The following INO80 variants were observed in gnomAD, a reference collection of about 807,000 sequenced individuals.
The protein encoded by INO80 is chromatin-remodeling ATPase INO80.
A neutral mutation model predicts 203.4 loss-of-function variants in INO80; 20 were observed. That is an observed-to-expected ratio of 0.10 (90% CI 0.07 to 0.14). The LOEUF is 0.14. Ranked by LOEUF, INO80 falls within the 10% of genes least tolerant of loss-of-function variation. The pLI, the probability that INO80 is intolerant of heterozygous loss-of-function variation, is 1.00. For missense variants in INO80, 1,419 were observed against 1,914.4 expected, an observed-to-expected ratio of 0.74 and a Z score of 4.83; for synonymous variants, 726 against 685.2, an observed-to-expected ratio of 1.06 and a Z score of -0.93.
chr15:41,061,681 G>A (rs2045112337), intron 14 of INO80, among the ~76,000 whole-genome samples: 1 of 151,824 alleles, frequency 6.6e-6, no homozygotes, highest in African/African-American at 2.4e-5. Context: ...TTTAAAAAAT[G>A]CTAATTTGTT....
chr15:41,009,528 C>G (rs953204108), intron 27 of INO80, among the ~76,000 whole-genome samples: 1 of 151,690 alleles, frequency 6.6e-6, no homozygotes, highest in Admixed American at 6.6e-5. Context: ...TGATGATTTC[C>G]AATTTCATCC....
intron 16 of INO80, among the ~76,000 whole-genome samples, chr15:41,057,797 CAAAAAAAAAAA>C (rs35197370): frequency 6.8e-4 from 20 of 29,348 alleles, no homozygotes; most frequent in Non-Finnish European, 1.1e-3. Context: ...AACTACATCT[CAAAAAAAAAAA>C]AAAAAAAAAA....
At chr15:41,054,550 T>C (rs57385441) in intron 18 of INO80, among the ~76,000 whole-genome samples, 18,519 of 152,094 alleles carry the variant, frequency 0.12, 3,371 homozygotes, top group African/African-American at 0.4. Context: ...ACAAAAATGG[T>C]CCTTCTAATA....
intron 34 of INO80, among the ~76,000 whole-genome samples, chr15:40,983,398 T>C (rs1893910064): frequency 1.3e-5 from 2 of 152,168 alleles, no homozygotes; most frequent in African/African-American, 4.8e-5. Flanking sequence ...CTGCACACTC[T>C]AATGTGCTCT....
chr15:41,040,114 T>G (rs932019326), intron 24 of INO80, among the ~76,000 whole-genome samples: 4 of 151,798 alleles, frequency 2.6e-5, no homozygotes, highest in African/African-American at 9.7e-5. Flanking sequence ...GAGACCAAGG[T>G]GGGAGAACTG....
chr15:41,019,035 G>A (rs761506882), intron 26 of INO80, among the ~76,000 whole-genome samples: 3 of 152,146 alleles, frequency 2.0e-5, no homozygotes, highest in Admixed American at 6.5e-5. Flanking sequence ...TACCATCCAC[G>A]GTGTAAGATC....
At chr15:40,994,392 C>G (rs1243450279) in intron 29 of INO80, among the ~76,000 whole-genome samples, 1 of 152,128 alleles carries the variant, frequency 6.6e-6, no homozygotes, top group African/African-American at 2.4e-5. Context: ...GAGATGGAGT[C>G]TCACTGTGTC....
chr15:41,070,589 TC>T (rs755128498), intron 12 of INO80, 42 bp from the exon 13 acceptor site: 63 of 1,490,368 alleles, frequency 4.2e-5, no homozygotes, highest in Non-Finnish European at 5.5e-5. Context: ...ATGCATTTCA[TC>T]AAATAAAGTT....
At chr15:41,092,560 G>A (rs1010634783) in intron 4 of INO80, among the ~76,000 whole-genome samples, 8 of 152,032 alleles carry the variant, frequency 5.3e-5, no homozygotes, top group African/African-American at 1.4e-4. Context: ...AGCTGTAATG[G>A]CCCAAAAGGA....
At chr15:41,113,142 C>T (rs534047875) in intron 1 of INO80, among the ~76,000 whole-genome samples, 127 of 152,214 alleles carry the variant, frequency 8.3e-4, no homozygotes, top group African/African-American at 2.9e-3. Context: ...TTTCAAACTC[C>T]TGAGCTCAAA....
chr15:41,115,912 G>A, intron 1 of INO80, 61 bp downstream of exon 1: 2 of 382,244 alleles, frequency 5.2e-6, no homozygotes, highest in Non-Finnish European at 4.6e-6. Flanking sequence ...CCGCAGAGAG[G>A]GGCGCAACAA....
At chr15:41,006,292 TAG>T (rs898594768) in intron 27 of INO80, among the ~76,000 whole-genome samples, 2 of 152,188 alleles carry the variant, frequency 1.3e-5, no homozygotes, top group Non-Finnish European at 2.9e-5. Context: ...AAAGATACAA[TAG>T]AGAGACTGCC....
intron 29 of INO80, among the ~76,000 whole-genome samples, chr15:40,990,096 A>G (rs1029348090): frequency 6.6e-6 from 1 of 151,836 alleles, no homozygotes; most frequent in Non-Finnish European, 1.5e-5. Flanking sequence ...GTATGCATAT[A>G]TCTCTCACTG....
chr15:40,997,183 G>A (rs2043891523), intron 29 of INO80, among the ~76,000 whole-genome samples: 1 of 151,940 alleles, frequency 6.6e-6, no homozygotes, highest in Admixed American at 6.6e-5. Flanking sequence ...AGGGTGAGGT[G>A]GGAGGATCAC....
chr15:41,113,672 C>A (rs921915029), intron 1 of INO80, among the ~76,000 whole-genome samples: 2 of 152,158 alleles, frequency 1.3e-5, no homozygotes, highest in Admixed American at 6.6e-5. Context: ...AGTGCGCTGG[C>A]ACAATCATAG....
intron 14 of INO80, among the ~76,000 whole-genome samples, chr15:41,063,055 G>A (rs532877711): frequency 5.3e-5 from 8 of 152,298 alleles, no homozygotes; most frequent in Middle Eastern, 6.8e-3. Context: ...TTTTAAAATA[G>A]GGTGGGCGCA....
At chr15:41,097,454 C>T (rs866405529) in intron 1 of INO80, among the ~76,000 whole-genome samples, 2 of 152,116 alleles carry the variant, frequency 1.3e-5, no homozygotes, top group South Asian at 4.1e-4. Flanking sequence ...CTAATAAGCC[C>T]ACCAAATGAC....
chr15:41,007,369 G>C (rs1438272876), intron 27 of INO80, among the ~76,000 whole-genome samples: 3 of 151,820 alleles, frequency 2.0e-5, no homozygotes, highest in African/African-American at 7.3e-5. Flanking sequence ...TTTTAGTAGA[G>C]ATGGGGTTTC....
At position 40,983,071 on chromosome 15, in the gene INO80, G is replaced by T. The variant is rs1257793308; in HGVS notation, c.4244C>A (p.Ser1415Tyr). The change falls in exon 35 of 36, where the codon TCC becomes TAC. Residue 1415 changes from serine (S) to tyrosine (Y), a missense_variant. Around this residue, in one of 9 missense-constraint regions of INO80, gnomAD observed 214 missense variants for 248.9 expected, o/e 0.86. Transcript: ENST00000648947. ...GSVSDTVNGI[S>Y]IQEMPAAGRG... ...TCCTGCAGCTGGCATTTCCTGAATG[G>T]AAATTCCTGTGGGAACAAATGGGCC... The T allele has an allele frequency of 2.5e-6, 4 of 1,611,840 alleles. No individual in the cohort carries two copies. The highest frequency in any genetic ancestry group is 3.4e-6 in the Non-Finnish European group (4 of 1,178,854).
Sources: gnomAD v4.1 joint callset for allele counts (sites outside exome capture counted in the v4.1 genomes callset) on GRCh38, gnomAD v4.1.1 for gene constraint, gnomAD v4.1.1 regional missense constraint, MANE v1.5 for transcripts, NCBI Gene and HGNC (gene_info 2026-07-23, HGNC 2026-07-21) for gene names.